ATG4C: variants seen among roughly 807,000 people sequenced by gnomAD.
ATG4C encodes cysteine protease ATG4C.
ATG4C carries 56 observed loss-of-function variants against 57.6 expected under a neutral mutation model. The ratio of observed to expected loss-of-function variants is 0.97; its 90% CI spans 0.78 to 1.21. The LOEUF (loss-of-function observed/expected upper bound fraction) is 1.21, where lower values mean the gene tolerates loss of function less well. ATG4C is among the 50% of genes most tolerant of loss of function. The pLI, the probability that ATG4C is intolerant of heterozygous loss-of-function variation, is 0.00. For missense variants in ATG4C, 595 were observed against 529.8 expected (o/e 1.12, Z -1.21); for synonymous variants, 157 against 174.1 (o/e 0.90, Z 0.78).
intron 1 of ATG4C, among the ~76,000 whole-genome samples, chr1:62,801,958 C>CAAAAAAAAAA (rs60298362): frequency 3.7e-4 from 19 of 51,888 alleles, no homozygotes; most frequent in African/African-American, 5.6e-4. Flanking sequence ...ACTCTGTCTC[C>CAAAAAAAAAA]AAAAAAAAAA....
At chr1:62,787,352 A>G (rs1453735019) in intron 1 of ATG4C, among the ~76,000 whole-genome samples, 2 of 152,236 alleles carry the variant, frequency 1.3e-5, no homozygotes, top group Non-Finnish European at 2.9e-5. Flanking sequence ...ATATTAAACC[A>G]TGTATATGAA....
At chr1:62,852,082 A>G (rs1330975768) in intron 10 of ATG4C, among the ~76,000 whole-genome samples, 1 of 152,196 alleles carries the variant, frequency 6.6e-6, no homozygotes, top group Non-Finnish European at 1.5e-5. Flanking sequence ...TCATTCATTC[A>G]TTCATTCATT....
intron 1 of ATG4C, among the ~76,000 whole-genome samples, chr1:62,788,500 C>T (rs992902120): frequency 1.3e-5 from 2 of 151,730 alleles, no homozygotes; most frequent in Non-Finnish European, 2.9e-5. Context: ...AAGGTGGCAA[C>T]GTGACACTTT....
intron 1 of ATG4C, among the ~76,000 whole-genome samples, chr1:62,795,688 G>T (rs1664438469): frequency 6.6e-6 from 1 of 152,060 alleles, no homozygotes; most frequent in African/African-American, 2.4e-5. Context: ...TCTAAGCCGG[G>T]GATGGTGATG....
chr1:62,808,613 A>G (rs1468072044), intron 3 of ATG4C, among the ~76,000 whole-genome samples: 1 of 152,190 alleles, frequency 6.6e-6, no homozygotes, highest in Non-Finnish European at 1.5e-5. Flanking sequence ...ATAATAGTAT[A>G]CCTGTAGAAA....
intron 3 of ATG4C, among the ~76,000 whole-genome samples, chr1:62,814,738 T>TTTTTA (rs1665207790): frequency 6.6e-6 from 1 of 152,136 alleles, no homozygotes; most frequent in African/African-American, 2.4e-5. Context: ...CTTGCTTTTT[T>TTTTTA]ATCCAATCTG....
At chr1:62,787,904 A>G (rs57256059) in intron 1 of ATG4C, among the ~76,000 whole-genome samples, 2,770 of 152,172 alleles carry the variant, frequency 0.018, 90 homozygotes, top group African/African-American at 0.063. Context: ...CTCCTGTGAC[A>G]CCATTTTAAT....
intron 4 of ATG4C, among the ~76,000 whole-genome samples, chr1:62,817,833 T>C (rs1354492527): frequency 6.6e-6 from 1 of 152,214 alleles, no homozygotes; most frequent in Non-Finnish European, 1.5e-5. Flanking sequence ...TATTAAATAT[T>C]GTCAGATTTT....
chr1:62,812,442 T>C (rs537877784), intron 3 of ATG4C, among the ~76,000 whole-genome samples: 2 of 152,298 alleles, frequency 1.3e-5, no homozygotes, highest in East Asian at 3.9e-4. Context: ...TAAAATCTCT[T>C]AATAAACTAG....
At chr1:62,854,610 A>T (rs1666627298) in intron 10 of ATG4C, among the ~76,000 whole-genome samples, 1 of 151,930 alleles carries the variant, frequency 6.6e-6, no homozygotes, top group South Asian at 2.1e-4. Flanking sequence ...TTTTCTTTAT[A>T]TGCTTTCCCC....
rs374961636 is a variant in ATG4C at position 62,816,625 on chromosome 1, G to A, written c.211G>A (p.Val71Ile). The A allele has an allele frequency of 3.5e-5, 56 of 1,613,736 alleles. No homozygotes were observed. Among genetic ancestry groups the A allele is most frequent in the East Asian group, 2.5e-4 (11 of 44,866 alleles). ...GTCGGGATGTACAATAGAGGATCAC[G>A]TAATTGCAGGAAATGTAGAAGAATT... is the stretch of plus-strand genomic sequence containing the variant. ...AESGCTIEDH[V>I]IAGNVEEFRK... The change falls in exon 4 of 11, where the codon GTA becomes ATA. Residue 71 changes from valine (V) to isoleucine (I), a missense_variant. Physicochemically the swap from Val to Ile is conservative, Grantham distance 29. Transcript: ENST00000317868.
intron 6 of ATG4C, among the ~76,000 whole-genome samples, chr1:62,822,785 T>C (rs1018166162): frequency 1.1e-4 from 17 of 151,876 alleles, no homozygotes; most frequent in Non-Finnish European, 2.2e-4. Context: ...TTCTGTGTTG[T>C]TTTCCTTTGT....
intron 7 of ATG4C, among the ~76,000 whole-genome samples, chr1:62,829,757 A>G (rs1157949323): frequency 6.6e-6 from 1 of 152,112 alleles, no homozygotes; most frequent in African/African-American, 2.4e-5. Flanking sequence ...CTGTGTAGTT[A>G]TGGTATCTTG....
At chr1:62,823,558 A>C (rs748196751) in intron 6 of ATG4C, among the ~76,000 whole-genome samples, 96 of 152,212 alleles carry the variant, frequency 6.3e-4, no homozygotes, top group Non-Finnish European at 6.0e-4. Flanking sequence ...TCTGATCAAA[A>C]GAAACTGATC....
At chr1:62,785,448 A>G (rs910903703) in intron 1 of ATG4C, among the ~76,000 whole-genome samples, 1 of 152,226 alleles carries the variant, frequency 6.6e-6, no homozygotes, top group African/African-American at 2.4e-5. Context: ...AAGTCATTAA[A>G]AGCCATTTAA....
chr1:62,822,253 A>T (rs1375981154), intron 6 of ATG4C, among the ~76,000 whole-genome samples: 2 of 152,288 alleles, frequency 1.3e-5, no homozygotes, highest in Non-Finnish European at 2.9e-5. Context: ...AGTGTGTAAT[A>T]ATAGTTACCA....
chr1:62,802,129 T>C (rs1054841085), intron 1 of ATG4C, among the ~76,000 whole-genome samples: 1 of 152,064 alleles, frequency 6.6e-6, no homozygotes, highest in African/African-American at 2.4e-5. Context: ...ACCATCTGTT[T>C]AGTTTCACAC....
chr1:62,830,536 A>G (rs888198887), intron 7 of ATG4C, among the ~76,000 whole-genome samples: 4 of 152,074 alleles, frequency 2.6e-5, no homozygotes, highest in Non-Finnish European at 4.4e-5. Flanking sequence ...ATTTGGTGGT[A>G]TTGATAGTAT....
At chr1:62,805,616 A>T (rs2100298479) in intron 3 of ATG4C, among the ~76,000 whole-genome samples, 1 of 152,282 alleles carries the variant, frequency 6.6e-6, no homozygotes. Flanking sequence ...AGTATCTGAA[A>T]TTGACTTTAC....
Sources: allele counts gnomAD v4.1 joint callset (sites outside exome capture counted in the v4.1 genomes callset), GRCh38; gene constraint gnomAD v4.1.1; transcripts MANE v1.5; gene names NCBI Gene and HGNC (gene_info 2026-07-23, HGNC 2026-07-21).